SLC11A1: variants seen among roughly 807,000 people sequenced by gnomAD.
The protein encoded by SLC11A1 is solute carrier family 11 member 1.
SLC11A1 carries 59 observed loss-of-function variants against 63.2 expected under a neutral mutation model. That is an observed-to-expected ratio of 0.93 (90% CI 0.76 to 1.16). The LOEUF is 1.16. SLC11A1 is among the 50% of genes most tolerant of loss of function. The pLI is 0.00. For synonymous variants in SLC11A1, 305 were observed against 307.8 expected, an observed-to-expected ratio of 0.99 and a Z score of 0.09; for missense variants, 688 against 730.7, an observed-to-expected ratio of 0.94 and a Z score of 0.67.
chr2:218,391,446 G>C lies in SLC11A1; in HGVS notation c.1115G>C (p.Gly372Ala). The C allele has an allele frequency of 6.2e-7, 1 of 1,613,164 alleles. No individual in the cohort carries two copies. The highest frequency in any genetic ancestry group is 8.5e-7 in the Non-Finnish European group (1 of 1,179,660). Residue 372 changes from glycine (G) to alanine (A), a missense_variant, in exon 11 of 15, where the codon GGG becomes GCG. Transcript: ENST00000233202. ...TGGGCCATAGGTCTCCTGGCGGCTG[G>C]GCAGAGCTCCACCATGACGGGCACC... ...YIWAIGLLAA[G>A]QSSTMTGTYA...
At chr2:218,394,503 G>T in intron 13 of SLC11A1, 129 bp from the exon 14 acceptor site, 3 of 1,038,994 alleles carry the variant, frequency 2.9e-6, no homozygotes, top group Middle Eastern at 2.3e-4. Flanking sequence ...TCTGCTCCAG[G>T]TCCCACAGAC....
chr2:218,386,938 G>A (rs1442587946), intron 5 of SLC11A1, 197 bp downstream of exon 5: 2 of 647,928 alleles, frequency 3.1e-6, no homozygotes, highest in East Asian at 5.5e-5. Flanking sequence ...CTTTGGGACT[G>A]CAGCCCCAAA....
chr2:218,386,822 A>C, intron 5 of SLC11A1, 81 bp downstream of exon 5: 1 of 1,039,966 alleles, frequency 9.6e-7, no homozygotes, highest in South Asian at 1.3e-5. Flanking sequence ...AGTCCCTCCC[A>C]GAGTCTATTT....
intron 5 of SLC11A1, 200 bp from the exon 6 acceptor site, chr2:218,386,960 G>T: frequency 3.1e-6 from 2 of 646,888 alleles, no homozygotes; most frequent in South Asian, 3.7e-5. Flanking sequence ...TCCCTGCTGC[G>T]CCGGGTGCCA....
Position 218,394,154 on chromosome 2 carries a change from C to CT in SLC11A1, c.1349_1350insT (p.Ser451GlnfsTer91). 1 of 1,614,192 alleles carries CT rather than the reference C, an allele frequency of 6.2e-7. No individual in the cohort carries two copies. The highest frequency in any genetic ancestry group is 8.5e-7 in the Non-Finnish European group (1 of 1,180,032). On this transcript the variant is annotated frameshift_variant, in exon 13 of 15. Transcript: ENST00000233202. LOFTEE classifies it high-confidence loss of function. ...GCCGTGCTGCCCATCCTCACGTTCA[C>CT]CAGCATGCCCACCCTCATGCAGGAG...
At position 218,395,036 on chromosome 2, in the gene SLC11A1, G is replaced by T; in HGVS notation, c.*1G>T. On this transcript the variant is annotated 3_prime_UTR_variant, in exon 15 of 15. Coordinates refer to ENST00000233202, the MANE Select transcript of SLC11A1 (RefSeq NM_000578.4). ...CCAGAAAGGGGAGACCTCTGGCTAG[G>T]CCCACACCAGGGCCTGGCTGGGAGT... 1 of 1,593,530 alleles carries T rather than the reference G, an allele frequency of 6.3e-7. No homozygotes were observed. The highest frequency in any genetic ancestry group is 8.6e-7 in the Non-Finnish European group (1 of 1,168,612).
Position 218,396,090 on chromosome 2 carries a change from G to C in SLC11A1, c.*1055G>C, listed in dbSNP as rs1261360652. The C allele has an allele frequency of 6.6e-6, 1 of 152,256 alleles. No individual in the cohort carries two copies. The highest frequency in any genetic ancestry group is 1.5e-5 in the Non-Finnish European group (1 of 68,044). 9.4% of individuals were successfully genotyped at this position (152,256 alleles called of 1,614,324 possible). A position where few individuals can be genotyped will look rare whatever the true frequency, so the allele number is the denominator to read the frequency against. ...TCTCTGCTGACTGCTCCCCCTAGGG[G>C]CAGAGACGGTCCCGACGCCCGCCAT... is the stretch of plus-strand genomic sequence containing the variant. On this transcript the variant is annotated 3_prime_UTR_variant, in exon 15 of 15. Transcript: ENST00000233202.
chr2:218,396,722 G>A lies in SLC11A1; in HGVS notation c.*1687G>A, dbSNP rs2106343676. 1.3e-5 allele frequency: 2 copies of A among 152,680 alleles called. No homozygotes were observed. The highest frequency in any genetic ancestry group is 6.8e-3 in the Middle Eastern group (2 of 294). 9.5% of individuals were successfully genotyped at this position (152,680 alleles called of 1,614,324 possible). A position where few individuals can be genotyped will look rare whatever the true frequency, so the allele number is the denominator to read the frequency against. ...TGCCAGCTGAAGGAGGAGATGGATG[G>A]GGGACGTTTAGCGAAGAAAGGCATC... is the stretch of plus-strand genomic sequence containing the variant. On this transcript the variant is annotated 3_prime_UTR_variant, in exon 15 of 15. Coordinates refer to ENST00000233202, the MANE Select transcript of SLC11A1 (RefSeq NM_000578.4).
chr2:218,383,060 G>T lies in SLC11A1; in HGVS notation c.108G>T (p.Glu36Asp). 1.2e-6 allele frequency: 2 copies of T among 1,614,036 alleles called. No homozygotes were observed. The highest frequency in any genetic ancestry group is 1.7e-6 in the Non-Finnish European group (2 of 1,179,972). The change falls in exon 2 of 15, where the codon GAG becomes GAT. Residue 36 changes from glutamate to aspartate, a missense_variant. Physicochemically the swap from Glu to Asp is conservative, Grantham distance 45 (BLOSUM62 2). Coordinates refer to ENST00000233202, the MANE Select transcript of SLC11A1 (RefSeq NM_000578.4). Reference protein sequence around the residue: ...SPGPQQAPPRETYLSEKIPIP... With the variant: ...SPGPQQAPPRDTYLSEKIPIP... ...GGCCACAGCAAGCACCTCCCAGAGA[G>T]ACCTACCTGAGTGAGAAGATCCCCA... is the stretch of plus-strand genomic sequence containing the variant.
intron 4 of SLC11A1, 109 bp from the exon 5 acceptor site, chr2:218,386,526 T>C (rs945562068): frequency 4.6e-5 from 33 of 719,324 alleles, no homozygotes; most frequent in African/African-American, 2.1e-4. Context: ...AGGAAGCCCA[T>C]TGGCCAGACT....
In SLC11A1 at chr2:218,396,139, C is replaced by A. The variant is rs551767650; in HGVS notation, c.*1104C>A. The A allele has an allele frequency of 6.6e-6, 1 of 152,248 alleles. No homozygotes were observed. The highest frequency in any genetic ancestry group is 2.4e-5 in the African/African-American group (1 of 41,540). The allele number at this position is 152,248 out of a possible 1,614,324, so 9.4% of individuals were successfully genotyped here. On this transcript the variant is annotated 3_prime_UTR_variant, in exon 15 of 15. Transcript: ENST00000233202. ...ATCCCGCCCCGGCCTCACCCCTCCC[C>A]GCCAGGCGGAACGACGCGGGGAGGC...
chr2:218,391,123 C>A lies in SLC11A1; in HGVS notation c.955-75C>A. On this transcript the variant is annotated intron_variant, in intron 9 of 14. Transcript: ENST00000233202. The stretch of plus-strand genomic sequence containing the variant: ...GGGCCACCAGTTTTGGAACCCTGGT[C>A]AGTGCTAGGCAGTCCAGTTTCCCAA... The A allele has an allele frequency of 3.8e-6, 5 of 1,304,732 alleles. No homozygotes were observed. In the South Asian group the frequency reaches 4.8e-5, roughly 12 times the overall value. 80.8% of individuals were successfully genotyped at this position (1,304,732 alleles called of 1,614,324 possible). A position where few individuals can be genotyped will look rare whatever the true frequency, so the allele number is the denominator to read the frequency against.
At position 218,394,667 on chromosome 2, in the gene SLC11A1, T is replaced by C; in HGVS notation, c.1424T>C (p.Leu475Pro). ...GTCGTCACCTCTTCCATCATGGTGC[T>C]AGTCTGCGCCATCAACCTCTACTTC... Reference protein sequence around the residue: ...NKVVTSSIMVLVCAINLYFVV... With the variant: ...NKVVTSSIMVPVCAINLYFVV... Residue 475 changes from leucine to proline, a missense_variant, in exon 14 of 15, where the codon CTA becomes CCA. Leu to Pro is a moderately conservative substitution (Grantham distance 98). Coordinates refer to ENST00000233202, the MANE Select transcript of SLC11A1 (RefSeq NM_000578.4). 6.2e-7 allele frequency: 1 copy of C among 1,614,072 alleles called. No homozygotes were observed.
chr2:218,392,875 C>A, intron 11 of SLC11A1, 106 bp from the exon 12 acceptor site: 1 of 925,438 alleles, frequency 1.1e-6, no homozygotes, highest in Non-Finnish European at 1.6e-6. Context: ...AGTGGAAAAA[C>A]AGAGCATGCC....
intron 11 of SLC11A1, 168 bp downstream of exon 11, chr2:218,391,663 C>T (rs990829325): frequency 5.3e-5 from 49 of 925,948 alleles, no homozygotes; most frequent in African/African-American, 1.7e-4. Flanking sequence ...TCGCTCTTGT[C>T]GCCCAGGCTG....
rs187782130 is a variant in SLC11A1 at position 218,391,745 on chromosome 2, C to T, written c.1164+250C>T. ...GTTCAAGCTTCTCCTGCTTCAGCCT[C>T]CTCAGTAGCTGGGATTTCAGGCACC... On this transcript the variant is annotated intron_variant, in intron 11 of 14. Transcript: ENST00000233202. The T allele has an allele frequency of 1.0e-4, 45 of 428,800 alleles. No individual in the cohort carries two copies. In the East Asian group the frequency reaches 2.0e-3, roughly 19 times the overall value. The allele number at this position is 428,800 out of a possible 1,614,324, so 26.6% of individuals were successfully genotyped here. A position where few individuals can be genotyped will look rare whatever the true frequency, so the allele number is the denominator to read the frequency against.
chr2:218,383,005 T>G lies in SLC11A1; in HGVS notation c.53T>G (p.Ile18Ser), dbSNP rs772063285. The G allele has an allele frequency of 6.2e-7, 1 of 1,613,842 alleles. No individual in the cohort carries two copies. The highest frequency in any genetic ancestry group is 8.5e-7 in the Non-Finnish European group (1 of 1,179,974). ...CTAAGCGGGTCCAGCTATGGTTCCATCTCCAGCCCGACCAGCCCGACCAGC... is the reference window on the plus strand; with the variant it reads ...CTAAGCGGGTCCAGCTATGGTTCCAGCTCCAGCCCGACCAGCCCGACCAGC... ...QRLSGSSYGS[I>S]SSPTSPTSPG... The change falls in exon 2 of 15, where the codon ATC (isoleucine) becomes AGC (serine). Residue 18 changes from isoleucine (I) to serine (S), a missense_variant. Coordinates refer to ENST00000233202, the MANE Select transcript of SLC11A1 (RefSeq NM_000578.4).
At position 218,384,896 on chromosome 2, in the gene SLC11A1, T is replaced by C; in HGVS notation, c.274-251T>C. On this transcript the variant is annotated intron_variant, in intron 3 of 14. Coordinates refer to ENST00000233202, the MANE Select transcript of SLC11A1 (RefSeq NM_000578.4). This position sits in a 1 kb window ranked among gnomAD's most constrained non-coding sequence, Gnocchi z 4.0. ...GCCACCTTGCCTGGCGTAATTTATT[T>C]ATTTATTTAGAGATGGGGGTCTCAC... 2.4e-6 allele frequency: 1 copy of C among 415,548 alleles called. No individual in the cohort carries two copies. 25.7% of individuals were successfully genotyped at this position (415,548 alleles called of 1,614,324 possible). A position where few individuals can be genotyped will look rare whatever the true frequency, so the allele number is the denominator to read the frequency against.
intron 4 of SLC11A1, among the ~76,000 whole-genome samples, chr2:218,385,854 G>A (rs192710941): frequency 6.6e-6 from 1 of 152,334 alleles, no homozygotes; most frequent in African/African-American, 2.4e-5. Context: ...ATGGTCACTG[G>A]TTGGGGTGGA....
Sources: gnomAD v4.1 joint callset for allele counts (sites outside exome capture counted in the v4.1 genomes callset) on GRCh38, gnomAD v4.1.1 for gene constraint, Gnocchi (gnomAD v3.1) non-coding constraint, MANE v1.5 for transcripts, NCBI Gene and HGNC (gene_info 2026-07-23, HGNC 2026-07-21) for gene names.